NOTCH1: variants seen among roughly 807,000 people sequenced by gnomAD.
NOTCH1 encodes notch receptor 1.
NOTCH1 carries 37 observed loss-of-function variants against 254.8 expected under a neutral mutation model. The ratio of observed to expected loss-of-function variants is 0.15; its 90% CI spans 0.11 to 0.19. NOTCH1 has a LOEUF of 0.19. NOTCH1 is among the 10% of genes least tolerant of loss of function. The probability of loss-of-function intolerance (pLI) is 1.00; values close to 1 mark genes in which losing one functional copy is unlikely to be tolerated. For missense variants in NOTCH1, 2,972 were observed against 3,708.6 expected, an observed-to-expected ratio of 0.80 and a Z score of 5.16; for synonymous variants, 1,731 against 1,618.1, an observed-to-expected ratio of 1.07 and a Z score of -1.68.
chr9:136,518,895 G>A (rs1843321955), intron 5 of NOTCH1, 71 bp from the exon 6 acceptor site: 1 of 1,396,484 alleles, frequency 7.2e-7, no homozygotes, highest in Non-Finnish European at 1.0e-6. Context: ...TAAGACGCAG[G>A]GTGGCAATGC....
rs557250879 is a variant in NOTCH1 at position 136,501,326 on chromosome 9, G to A, written c.5638+422C>T. 4.6e-5 allele frequency among the ~76,000 whole-genome samples: 7 copies of A among 151,932 alleles called. No homozygotes were observed. In the East Asian group the frequency reaches 1.2e-3, roughly 25 times the overall value. On this transcript the variant is annotated intron_variant, in intron 30 of 33. Transcript: ENST00000651671. ...GCAGGCGCCTGTAGTCCCAGCTACT[G>A]GGGAGGCTGAGGCAGGAGAATTGCT...
chr9:136,516,035 T>A lies in NOTCH1; in HGVS notation c.1615A>T (p.Asn539Tyr). 3 of 1,612,254 alleles carry A rather than the reference T, an allele frequency of 1.9e-6. No homozygotes were observed. The highest frequency in any genetic ancestry group is 2.5e-6 in the Non-Finnish European group (3 of 1,179,888). ...VDECASTPCK[N>Y]GAKCLDGPNT... is the part of the protein sequence containing the mutation. ...GGTCCGTCCAGGCACTTGGCACCAT[T>A]CTTGCAGGGGGTGCTGGCACACTCG... Residue 539 changes from asparagine to tyrosine, a missense_variant, in exon 10 of 34, where the codon AAT (asparagine) becomes TAT (tyrosine). By Grantham distance (143) the Asn-to-Tyr change is moderately radical. Coordinates refer to ENST00000651671, the MANE Select transcript of NOTCH1 (RefSeq NM_017617.5).
intron 2 of NOTCH1, among the ~76,000 whole-genome samples, chr9:136,525,295 C>T (rs1843441456): frequency 6.6e-6 from 1 of 152,196 alleles, no homozygotes; most frequent in East Asian, 1.9e-4. Flanking sequence ...GGCCTGGTCT[C>T]ACCTGTTCCC....
chr9:136,532,359 T>A (rs1843575050), intron 2 of NOTCH1, among the ~76,000 whole-genome samples: 1 of 152,122 alleles, frequency 6.6e-6, no homozygotes, highest in African/African-American at 2.4e-5. Flanking sequence ...CCCAAAGATC[T>A]CGCACTACCT....
chr9:136,505,191 G>A (rs1244242478), intron 25 of NOTCH1, 87 bp from the exon 26 acceptor site: 9 of 1,523,452 alleles, frequency 5.9e-6, no homozygotes, highest in South Asian at 3.5e-5. Flanking sequence ...GGCCAGCCGC[G>A]GGGGACGTCC....
chr9:136,528,596 G>C lies in NOTCH1; in HGVS notation c.141-4617C>G, dbSNP rs555349218. On this transcript the variant is annotated intron_variant, in intron 2 of 33. Transcript: ENST00000651671. ...GTGCGGGGGCCTCTCCGGTGCACAG[G>C]AGCTGCACTTCCCAGAGGGGAAGGA... 2.5e-3 allele frequency among the ~76,000 whole-genome samples: 375 copies of C among 151,588 alleles called. 1 individual carries two copies. Among genetic ancestry groups the C allele is most frequent in the Non-Finnish European group, 4.5e-3 (304 of 67,728 alleles).
chr9:136,530,713 G>A (rs561892125), intron 2 of NOTCH1, among the ~76,000 whole-genome samples: 21 of 152,362 alleles, frequency 1.4e-4, no homozygotes, highest in South Asian at 4.1e-4. Context: ...TCACCCCAAC[G>A]GCCCCTAGGG....
chr9:136,497,756 C>T (rs751685074), intron 33 of NOTCH1, among the ~76,000 whole-genome samples, 198 bp from the exon 34 acceptor site: 1 of 152,184 alleles, frequency 6.6e-6, no homozygotes, highest in Non-Finnish European at 1.5e-5. Flanking sequence ...TTTGATACAT[C>T]TTCTGAAACC....
At chr9:136,517,514 C>T (rs914523315) in intron 8 of NOTCH1, 129 bp from the exon 9 acceptor site, 12 of 822,074 alleles carry the variant, frequency 1.5e-5, no homozygotes, top group Middle Eastern at 2.7e-4. Flanking sequence ...GCCCCCTGCG[C>T]ACCCGCTCCC....
chr9:136,541,130 C>T lies in NOTCH1; in HGVS notation c.140+2894G>A, dbSNP rs913182518. 6.6e-5 allele frequency among the ~76,000 whole-genome samples: 10 copies of T among 152,296 alleles called. 1 individual carries two copies. Among genetic ancestry groups the T allele is most frequent in the South Asian group, 4.1e-4 (2 of 4,824 alleles). Reference sequence around the variant, plus strand: ...GACCACAGCCACCACGGCCACACCTCGCACAGCAGCTGCCCAGAGACCAAC... The same window carrying T: ...GACCACAGCCACCACGGCCACACCTTGCACAGCAGCTGCCCAGAGACCAAC... On this transcript the variant is annotated intron_variant, in intron 2 of 33. Transcript: ENST00000651671.
intron 4 of NOTCH1, among the ~76,000 whole-genome samples, chr9:136,520,375 G>A (rs1843347918): frequency 6.6e-6 from 1 of 152,084 alleles, no homozygotes; most frequent in South Asian, 2.1e-4. Flanking sequence ...TGCTGGACCG[G>A]AGCAAAAGCA....
Position 136,496,014 on chromosome 9 carries a change from GCA to G in NOTCH1, c.*55_*56del, listed in dbSNP as rs1564567279. The G allele has an allele frequency of 9.6e-6, 15 of 1,555,054 alleles. No individual in the cohort carries two copies. The Admixed American group carries it at 2.8e-4, about 29-fold the overall frequency. ...TGGTCGGCCCTGGCATCCACAGAGC[GCA>G]CACAGACGCCCGAAGGCTTGGGAAA... On this transcript the variant is annotated 3_prime_UTR_variant, in exon 34 of 34. Coordinates refer to ENST00000651671, the MANE Select transcript of NOTCH1 (RefSeq NM_017617.5).
At chr9:136,505,190 C>CG in intron 25 of NOTCH1, 86 bp from the exon 26 acceptor site, 1 of 1,524,244 alleles carries the variant, frequency 6.6e-7, no homozygotes, top group Non-Finnish European at 8.9e-7. Context: ...TGGCCAGCCG[C>CG]GGGGGACGTC....
intron 2 of NOTCH1, among the ~76,000 whole-genome samples, chr9:136,529,477 G>A (rs762820544): frequency 2.0e-5 from 3 of 152,234 alleles, no homozygotes; most frequent in Non-Finnish European, 4.4e-5. Flanking sequence ...AGGGGGCTCG[G>A]GGTCCCACCT....
chr9:136,540,830 ACT>A lies in NOTCH1; in HGVS notation c.140+3192_140+3193del, dbSNP rs991292796. Among the ~76,000 whole-genome samples the A allele has an allele frequency of 2.6e-5, 4 of 151,762 alleles. No individual in the cohort carries two copies. The highest frequency in any genetic ancestry group is 7.3e-5 in the African/African-American group (3 of 41,260). ...CTGGAAGACGCCCCGTGCCATTCTG[ACT>A]CTGCCGTCAGCAGCCAACATCTTAG... On this transcript the variant is annotated intron_variant, in intron 2 of 33. Transcript: ENST00000651671. The surrounding 1 kb of genome is among the most constrained non-coding windows in gnomAD (Gnocchi z 4.4).
Position 136,506,418 on chromosome 9 carries a change from G to T in NOTCH1, c.4014+109C>A. The T allele has an allele frequency of 3.6e-6, 3 of 832,804 alleles. No individual in the cohort carries two copies. Among genetic ancestry groups the T allele is most frequent in the Non-Finnish European group, 5.7e-6 (3 of 521,840 alleles). 51.6% of individuals were successfully genotyped at this position (832,804 alleles called of 1,614,324 possible). The stretch of plus-strand genomic sequence containing the variant: ...AAAAAGACATCAGGGTGAGGAGGAG[G>T]ATGAAGGCCGGGAGGATCACTGCCC... On this transcript the variant is annotated intron_variant, in intron 24 of 33. Transcript: ENST00000651671. The surrounding 1 kb of genome is among the most constrained non-coding windows in gnomAD (Gnocchi z 4.5).
chr9:136,497,697 C>A, intron 33 of NOTCH1, 139 bp from the exon 34 acceptor site: 1 of 670,956 alleles, frequency 1.5e-6, no homozygotes, highest in South Asian at 1.9e-5. Flanking sequence ...CAGGACCCCA[C>A]CCCAGCGTCC....
intron 8 of NOTCH1, 39 bp downstream of exon 8, chr9:136,517,713 C>T (rs765157447): frequency 1.2e-6 from 2 of 1,611,252 alleles, no homozygotes; most frequent in South Asian, 2.2e-5. Flanking sequence ...GGCTGCCCAG[C>T]CTCGACTCGG....
chr9:136,545,695 A>G lies in NOTCH1; in HGVS notation c.61+31T>C. Reference sequence around the variant, plus strand: ...GCCAAAGTTTCCAAAGGGCGCGGAAAGTGGGGGCTCGCGGGTGGGTGGGCG... The same window carrying G: ...GCCAAAGTTTCCAAAGGGCGCGGAAGGTGGGGGCTCGCGGGTGGGTGGGCG... On this transcript the variant is annotated intron_variant, in intron 1 of 33. Coordinates refer to ENST00000651671, the MANE Select transcript of NOTCH1 (RefSeq NM_017617.5). This position sits in a 1 kb window ranked among gnomAD's most constrained non-coding sequence, Gnocchi z 6.8. The G allele has an allele frequency of 7.5e-7, 1 of 1,340,694 alleles. No individual in the cohort carries two copies. The highest frequency in any genetic ancestry group is 9.7e-7 in the Non-Finnish European group (1 of 1,029,140). 83.0% of individuals were successfully genotyped at this position (1,340,694 alleles called of 1,614,324 possible).
Sources: allele counts gnomAD v4.1 joint callset (sites outside exome capture counted in the v4.1 genomes callset), GRCh38; gene constraint gnomAD v4.1.1; non-coding constraint Gnocchi (gnomAD v3.1); transcripts MANE v1.5; gene names NCBI Gene and HGNC (gene_info 2026-07-23, HGNC 2026-07-21).